The following ZNF385B variants were observed in gnomAD, a reference collection of about 807,000 sequenced individuals.
The protein encoded by ZNF385B is zinc finger protein 533.
ZNF385B carries 23 observed loss-of-function variants against 39.2 expected under a neutral mutation model. The ratio of observed to expected loss-of-function variants is 0.59; its 90% confidence interval spans 0.42 to 0.83. The LOEUF (loss-of-function observed/expected upper bound fraction) is 0.83. Among genes scored for constraint, ZNF385B ranks in the 40% least tolerant of loss-of-function variants. The pLI, the probability that ZNF385B is intolerant of heterozygous loss-of-function variation, is 0.00. For missense variants in ZNF385B, 552 were observed against 598.9 expected (o/e 0.92, Z 0.82); for synonymous variants, 205 against 222.6 (o/e 0.92, Z 0.70).
At chr2:179,749,202 T>C (rs1702539560) in intron 3 of ZNF385B, among the ~76,000 whole-genome samples, 2 of 151,952 alleles carry the variant, frequency 1.3e-5, no homozygotes, top group Admixed American at 6.6e-5. Flanking sequence ...CCTATACCTT[T>C]CACATCAAGT....
chr2:179,548,855 T>C (rs1033047290), intron 3 of ZNF385B, among the ~76,000 whole-genome samples: 1 of 149,324 alleles, frequency 6.7e-6, no homozygotes, highest in Non-Finnish European at 1.5e-5. Context: ...TAATTCAAGA[T>C]GAGGTTTGGG....
intron 1 of ZNF385B, among the ~76,000 whole-genome samples, chr2:179,852,416 T>A (rs750593936): frequency 6.6e-6 from 1 of 152,126 alleles, no homozygotes; most frequent in Admixed American, 6.5e-5. Flanking sequence ...TGAAACTCTA[T>A]GTAGTCATAA....
At chr2:179,819,959 T>C (rs1015120550) in intron 1 of ZNF385B, among the ~76,000 whole-genome samples, 12 of 152,294 alleles carry the variant, frequency 7.9e-5, no homozygotes, top group Admixed American at 5.2e-4. Flanking sequence ...TCATAGCACA[T>C]TTTAAAAAAA....
intron 3 of ZNF385B, among the ~76,000 whole-genome samples, chr2:179,719,084 C>T (rs1700517415): frequency 6.6e-6 from 1 of 151,988 alleles, no homozygotes; most frequent in African/African-American, 2.4e-5. Flanking sequence ...CCTAACCATA[C>T]CATGCCACCA....
chr2:179,624,950 A>G (rs1690527829), intron 3 of ZNF385B, among the ~76,000 whole-genome samples: 1 of 117,138 alleles, frequency 8.5e-6, no homozygotes, highest in Non-Finnish European at 1.8e-5. Flanking sequence ...GAATTGTTTG[A>G]ACAATTTCTT....
chr2:179,634,113 A>G (rs1202603001), intron 3 of ZNF385B, among the ~76,000 whole-genome samples: 8 of 152,248 alleles, frequency 5.3e-5, no homozygotes, highest in Non-Finnish European at 1.0e-4. Flanking sequence ...AACCTAGAAG[A>G]TAACCTAGGC....
chr2:179,567,343 C>T (rs577172811), intron 3 of ZNF385B, among the ~76,000 whole-genome samples: 2 of 152,196 alleles, frequency 1.3e-5, no homozygotes, highest in East Asian at 3.9e-4. Context: ...GGGGGAAAAA[C>T]AAACAAACAT....
chr2:179,695,049 ATTCTATCTATTATAAAAATGGT>A (rs1324069704), intron 3 of ZNF385B, among the ~76,000 whole-genome samples: 2 of 152,158 alleles, frequency 1.3e-5, no homozygotes, highest in Non-Finnish European at 2.9e-5. Flanking sequence ...CCTCTGATGC[ATTCTATCTATTATAAAAATGGT>A]TTTCTCTATA....
chr2:179,813,497 A>T (rs781230966), intron 1 of ZNF385B, among the ~76,000 whole-genome samples: 9 of 152,226 alleles, frequency 5.9e-5, no homozygotes, highest in Non-Finnish European at 1.3e-4. Flanking sequence ...ATGATAAATC[A>T]TACAAGTCAA....
chr2:179,750,546 T>C (rs572206756), intron 3 of ZNF385B, among the ~76,000 whole-genome samples: 2 of 152,242 alleles, frequency 1.3e-5, no homozygotes, highest in African/African-American at 4.8e-5. Context: ...CTGTGACTTA[T>C]ACAAAGAAAA....
intron 3 of ZNF385B, among the ~76,000 whole-genome samples, chr2:179,711,910 A>G (rs576297387): frequency 7.6e-6 from 1 of 130,796 alleles, no homozygotes; most frequent in South Asian, 2.4e-4. Context: ...TTTTTTTTAC[A>G]AATGGTAGCA....
At chr2:179,568,490 A>G (rs867729724) in intron 3 of ZNF385B, among the ~76,000 whole-genome samples, 4 of 152,228 alleles carry the variant, frequency 2.6e-5, no homozygotes, top group African/African-American at 7.2e-5. Flanking sequence ...CAGCATTTTC[A>G]AATGTGAAAA....
rs530067930 is a variant in ZNF385B at position 179,463,541 on chromosome 2, C to T, written c.716-16771G>A. 2.3e-4 allele frequency among the ~76,000 whole-genome samples: 35 copies of T among 151,440 alleles called. No individual in the cohort carries two copies. The South Asian group carries it at 7.3e-3, about 32-fold the overall frequency. On this transcript the variant is annotated intron_variant, in intron 6 of 9. Transcript: ENST00000410066. The stretch of plus-strand genomic sequence containing the variant: ...CCAACAGGCCCCAGAGTGTGATGTT[C>T]CCCGCCCCATGTCCATGTGTTCTCA...
intron 5 of ZNF385B, among the ~76,000 whole-genome samples, chr2:179,485,164 G>T (rs1332928276): frequency 1.3e-5 from 2 of 152,150 alleles, no homozygotes; most frequent in East Asian, 3.8e-4. Flanking sequence ...AGAAAGGAAG[G>T]CAGCAGAAAG....
intron 3 of ZNF385B, among the ~76,000 whole-genome samples, chr2:179,728,169 A>C (rs1206972973): frequency 6.6e-6 from 1 of 152,156 alleles, no homozygotes; most frequent in Non-Finnish European, 1.5e-5. Flanking sequence ...AGTTATCTCA[A>C]TAATAATCTC....
chr2:179,466,461 G>C (rs934994139), intron 6 of ZNF385B, among the ~76,000 whole-genome samples: 1 of 152,036 alleles, frequency 6.6e-6, no homozygotes, highest in Admixed American at 6.6e-5. Context: ...TCTTTGGCAA[G>C]ATTTCTCTTG....
intron 3 of ZNF385B, among the ~76,000 whole-genome samples, chr2:179,710,618 C>T (rs1326693551): frequency 2.0e-5 from 3 of 152,180 alleles, no homozygotes; most frequent in African/African-American, 7.2e-5. Context: ...GTAATCCAGG[C>T]ACCAGGCTGC....
intron 3 of ZNF385B, among the ~76,000 whole-genome samples, chr2:179,558,600 A>T (rs2061112764): frequency 6.6e-6 from 1 of 152,276 alleles, no homozygotes; most frequent in South Asian, 2.1e-4. Flanking sequence ...AAATAACAAA[A>T]AAAAGTAATA....
At chr2:179,571,951 AC>A (rs1424692616) in intron 3 of ZNF385B, among the ~76,000 whole-genome samples, 2 of 151,990 alleles carry the variant, frequency 1.3e-5, no homozygotes, top group African/African-American at 4.8e-5. Context: ...TGGCCCTCGG[AC>A]TACTTCCAAG....
Sources: gnomAD v4.1 joint callset for allele counts (sites outside exome capture counted in the v4.1 genomes callset) on GRCh38, gnomAD v4.1.1 for gene constraint, MANE v1.5 for transcripts, NCBI Gene and HGNC (gene_info 2026-07-23, HGNC 2026-07-21) for gene names.